LINGO2: variants seen among roughly 807,000 people sequenced by gnomAD.
LINGO2 encodes the protein leucine-rich repeat and immunoglobulin-like domain-containing nogo receptor-interacting protein 2.
A neutral mutation model predicts 30.6 loss-of-function variants in LINGO2; 14 were observed. The observed-to-expected ratio is 0.46, with a 90% CI of 0.30 to 0.72. The LOEUF is 0.72. Among genes scored for constraint, LINGO2 ranks in the 30% least tolerant of loss-of-function variants. LINGO2 has a pLI of 0.07. For synonymous variants in LINGO2, 317 were observed against 288.5 expected (o/e 1.10, Z -1.00); for missense variants, 729 against 751.7 (o/e 0.97, Z 0.35).
intron 2 of LINGO2, among the ~76,000 whole-genome samples, chr9:28,472,910 C>A (rs1320714732): frequency 6.6e-6 from 1 of 152,066 alleles, no homozygotes; most frequent in Admixed American, 6.6e-5. Flanking sequence ...TTTAATATAT[C>A]CAATCTCTGT....
At chr9:28,804,131 C>T in the LINGO2 span, among the ~76,000 whole-genome samples, 2 of 151,992 alleles carry the variant, frequency 1.3e-5, no homozygotes, top group African/African-American at 2.4e-5. Context: ...CTTCTCTATC[C>T]GTGTCAGTTC....
intron 3 of LINGO2, among the ~76,000 whole-genome samples, chr9:28,363,086 T>C (rs1292970647): frequency 2.0e-5 from 3 of 152,132 alleles, no homozygotes; most frequent in Non-Finnish European, 4.4e-5. Flanking sequence ...GATTATCCTA[T>C]TTAATATTCA....
chr9:28,035,370 A>C (rs1277543647), intron 4 of LINGO2, among the ~76,000 whole-genome samples: 1 of 152,252 alleles, frequency 6.6e-6, no homozygotes. Context: ...TGACTTCCTC[A>C]AAACAATTCA....
chr9:28,155,966 A>C (rs1828120684), intron 4 of LINGO2, among the ~76,000 whole-genome samples: 1 of 152,136 alleles, frequency 6.6e-6, no homozygotes, highest in African/African-American at 2.4e-5. Context: ...GTGAGAAATA[A>C]ATTTCTGTTG....
At chr9:28,165,686 T>C (rs1056380896) in intron 4 of LINGO2, among the ~76,000 whole-genome samples, 13 of 152,198 alleles carry the variant, frequency 8.5e-5, no homozygotes, top group African/African-American at 3.1e-4. Flanking sequence ...GCTGGTATAT[T>C]TCCCTCTAGA....
chr9:28,073,804 G>C (rs548370066), intron 4 of LINGO2, among the ~76,000 whole-genome samples: 8 of 152,186 alleles, frequency 5.3e-5, no homozygotes, highest in Middle Eastern at 3.2e-3. Flanking sequence ...GAAGTAGGAG[G>C]ATGGGTTGAG....
At chr9:28,331,811 T>C (rs1469337376) in intron 3 of LINGO2, among the ~76,000 whole-genome samples, 2 of 150,786 alleles carry the variant, frequency 1.3e-5, no homozygotes, top group Non-Finnish European at 2.9e-5. Context: ...CATCCTGATA[T>C]ACTTTAAAAA....
intron 1 of LINGO2, among the ~76,000 whole-genome samples, chr9:28,488,304 C>T (rs538705553): frequency 2.0e-5 from 3 of 151,996 alleles, no homozygotes; most frequent in African/African-American, 7.2e-5. Flanking sequence ...TAATGATATC[C>T]CACATAAACA....
chr9:29,128,839 G>A, the LINGO2 span, among the ~76,000 whole-genome samples: 8 of 152,110 alleles, frequency 5.3e-5, no homozygotes, highest in African/African-American at 1.4e-4. Flanking sequence ...ATTGTTATAC[G>A]TTGTGCCTAC....
intron 1 of LINGO2, among the ~76,000 whole-genome samples, chr9:28,527,480 T>C (rs979934734): frequency 6.6e-6 from 1 of 152,190 alleles, no homozygotes; most frequent in Non-Finnish European, 1.5e-5. Context: ...CTCATTGAAA[T>C]GGCCTCCCAT....
chr9:27,949,324 G>A (rs1438339437), exon 6 of LINGO2: 10 of 1,613,948 alleles, frequency 6.2e-6, no homozygotes, highest in Admixed American at 5.0e-5. Context: ...GTGATGAAAC[G>A]CCTTCGGGGT....
chr9:29,017,356 T>G, the LINGO2 span, among the ~76,000 whole-genome samples: 21 of 152,198 alleles, frequency 1.4e-4, no homozygotes. Flanking sequence ...CATCACAGAC[T>G]TTGATTCTCA....
At chr9:28,901,079 G>C in the LINGO2 span, among the ~76,000 whole-genome samples, 1 of 151,866 alleles carries the variant, frequency 6.6e-6, no homozygotes, top group Non-Finnish European at 1.5e-5. Context: ...GAGACTAAAA[G>C]CATATTATGC....
At chr9:28,227,863 C>T (rs973085233) in intron 4 of LINGO2, among the ~76,000 whole-genome samples, 6 of 152,042 alleles carry the variant, frequency 3.9e-5, no homozygotes, top group African/African-American at 1.2e-4. Flanking sequence ...ATAACATCTA[C>T]AGGATACTGA....
chr9:28,800,433 G>C, the LINGO2 span, among the ~76,000 whole-genome samples: 1 of 151,922 alleles, frequency 6.6e-6, no homozygotes, highest in African/African-American at 2.4e-5. Flanking sequence ...CTGTCCTTTT[G>C]CAAATAATGC....
chr9:28,959,608 TCCCTCA>T, the LINGO2 span, among the ~76,000 whole-genome samples: 6 of 126,178 alleles, frequency 4.8e-5, no homozygotes, highest in East Asian at 5.5e-4. Context: ...TCTCTCTCTC[TCCCTCA>T]CACACACACA....
intron 4 of LINGO2, among the ~76,000 whole-genome samples, chr9:28,023,963 A>G (rs137995707): frequency 4.6e-5 from 7 of 152,226 alleles, no homozygotes; most frequent in Non-Finnish European, 8.8e-5. Flanking sequence ...AGGGAAGCGA[A>G]TTTCATTTTT....
the LINGO2 span, among the ~76,000 whole-genome samples, chr9:28,729,001 T>C: frequency 6.6e-6 from 1 of 152,100 alleles, no homozygotes; most frequent in African/African-American, 2.4e-5. Context: ...AAGTTATTCT[T>C]TAAAGTTTGT....
At chr9:28,345,446 A>T (rs1044623915) in intron 3 of LINGO2, among the ~76,000 whole-genome samples, 2 of 152,090 alleles carry the variant, frequency 1.3e-5, no homozygotes, top group African/African-American at 4.8e-5. Context: ...CGCCAGAATG[A>T]CCTCTCAAAT....
Sources: gnomAD v4.1 joint callset for allele counts (sites outside exome capture counted in the v4.1 genomes callset) on GRCh38, gnomAD v4.1.1 for gene constraint, MANE v1.5 for transcripts, NCBI Gene and HGNC (gene_info 2026-07-23, HGNC 2026-07-21) for gene names.